The following MEI1 variants were observed in gnomAD, a reference collection of about 807,000 sequenced individuals.
MEI1 encodes meiotic double-stranded break formation protein 1.
A neutral mutation model predicts 146.2 loss-of-function variants in MEI1; 103 were observed. That is an observed-to-expected ratio of 0.70 (90% CI 0.60 to 0.83). MEI1 has a LOEUF of 0.83. MEI1 is among the 40% of genes least tolerant of loss of function. MEI1 has a pLI of 0.00. For synonymous variants in MEI1, 652 were observed against 628.2 expected, an observed-to-expected ratio of 1.04 and a Z score of -0.57; for missense variants, 1,529 against 1,533.0, an observed-to-expected ratio of 1.00 and a Z score of 0.04.
chr22:41,709,175 T>C (rs1358667735), intron 3 of MEI1: 1 of 761,292 alleles, frequency 1.3e-6, no homozygotes, highest in East Asian at 2.5e-5. Flanking sequence ...TATTTCAAAC[T>C]GTACAGTCAC....
intron 6 of MEI1, among the ~76,000 whole-genome samples, chr22:41,721,693 A>G (rs1337836744): frequency 6.7e-6 from 1 of 149,180 alleles, no homozygotes; most frequent in Admixed American, 6.7e-5. Context: ...ACACCCAGCC[A>G]GAATTCCCGT....
intron 21 of MEI1, 91 bp downstream of exon 21, chr22:41,776,358 GA>G: frequency 3.6e-6 from 5 of 1,396,250 alleles, no homozygotes; most frequent in Non-Finnish European, 4.9e-6. Context: ...CCAGGAGAGA[GA>G]ATCAGGGTTT....
chr22:41,750,707 ATTC>A (rs1387890810), intron 15 of MEI1, among the ~76,000 whole-genome samples: 2 of 152,128 alleles, frequency 1.3e-5, no homozygotes, highest in East Asian at 1.9e-4. Flanking sequence ...GTGAGTTGGA[ATTC>A]TTCTCACCTC....
intron 26 of MEI1, among the ~76,000 whole-genome samples, 172 bp downstream of exon 26, chr22:41,784,955 A>G (rs967075323): frequency 8.4e-6 from 1 of 119,406 alleles, no homozygotes; most frequent in South Asian, 2.3e-4. Flanking sequence ...ATTTATTTAG[A>G]GACAGAGTTT....
chr22:41,714,154 G>C, intron 4 of MEI1, 79 bp downstream of exon 4: 1 of 1,367,772 alleles, frequency 7.3e-7, no homozygotes, highest in Non-Finnish European at 1.0e-6. Flanking sequence ...GAACAAATGA[G>C]AGATTGAAGT....
intron 1 of MEI1, among the ~76,000 whole-genome samples, chr22:41,701,950 TGAA>T (rs1332676826): frequency 6.6e-6 from 1 of 152,112 alleles, no homozygotes; most frequent in African/African-American, 2.4e-5. Flanking sequence ...GACAGTTACT[TGAA>T]GAGTTTGAAA....
intron 11 of MEI1, 50 bp downstream of exon 11, chr22:41,732,653 G>C: frequency 6.4e-7 from 1 of 1,571,948 alleles, no homozygotes; most frequent in Non-Finnish European, 8.6e-7. Context: ...ATACCTAAGG[G>C]CCTGTTGAGG....
At chr22:41,774,487 TGTAAA>T (rs969219869) in intron 20 of MEI1, 18 of 152,186 alleles carry the variant, frequency 1.2e-4, no homozygotes, top group Admixed American at 1.0e-3. Flanking sequence ...CCTCATACTC[TGTAAA>T]GTAAAGGTAT....
At chr22:41,786,549 C>T (rs546817944) in intron 26 of MEI1, among the ~76,000 whole-genome samples, 4 of 152,282 alleles carry the variant, frequency 2.6e-5, no homozygotes, top group African/African-American at 9.6e-5. Flanking sequence ...AGCAGTAGCT[C>T]CTAGCTTATA....
At chr22:41,741,174 C>A (rs1361490209) in intron 11 of MEI1, among the ~76,000 whole-genome samples, 2 of 152,150 alleles carry the variant, frequency 1.3e-5, no homozygotes, top group Admixed American at 1.3e-4. Context: ...TCCTGGGCTG[C>A]ATGCGGCCTG....
rs186467613 is a variant in MEI1 at position 41,702,301 on chromosome 22, C to T, written c.175-1030C>T. Among the ~76,000 whole-genome samples, 521 of 151,902 alleles carry T rather than the reference C, an allele frequency of 3.4e-3. 5 individuals are homozygous for T. Among genetic ancestry groups the T allele is most frequent in the Non-Finnish European group, 5.4e-3 (369 of 67,990 alleles). Reference sequence around the variant, plus strand: ...GATTACAGGCGCCTGCCACCATGCACGGCTAATTTTTGTATTTTTAGTAGA... The same window carrying T: ...GATTACAGGCGCCTGCCACCATGCATGGCTAATTTTTGTATTTTTAGTAGA... On this transcript the variant is annotated intron_variant, in intron 1 of 30. Transcript: ENST00000401548.
intron 24 of MEI1, 98 bp from the exon 25 acceptor site, chr22:41,784,239 GAT>G: frequency 9.9e-7 from 1 of 1,011,658 alleles, no homozygotes; most frequent in Non-Finnish European, 1.5e-6. Context: ...TGATGCAGTG[GAT>G]ATGTGGGGGG....
At chr22:41,763,632 T>A (rs2074652917) in intron 19 of MEI1, among the ~76,000 whole-genome samples, 1 of 151,980 alleles carries the variant, frequency 6.6e-6, no homozygotes. Context: ...GGCGGATCAC[T>A]TGAGTTCGGG....
intron 8 of MEI1, 37 bp downstream of exon 8, chr22:41,729,816 A>G (rs975144462): frequency 1.1e-5 from 15 of 1,361,006 alleles, no homozygotes; most frequent in Non-Finnish European, 1.4e-5. Context: ...TCCCTATACT[A>G]GAAGGATGGG....
At chr22:41,781,512 G>A in intron 23 of MEI1, 118 bp downstream of exon 23, 1 of 1,140,110 alleles carries the variant, frequency 8.8e-7, no homozygotes, top group Middle Eastern at 2.9e-4. Context: ...TGGTCATAAG[G>A]TCCTTTCTGG....
intron 15 of MEI1, among the ~76,000 whole-genome samples, chr22:41,751,592 T>C (rs2147851394): frequency 6.7e-6 from 1 of 150,106 alleles, no homozygotes; most frequent in South Asian, 2.1e-4. Context: ...GACCAACATA[T>C]AGAAACCCTG....
chr22:41,791,264 A>C (rs1211180128), intron 26 of MEI1, among the ~76,000 whole-genome samples: 2 of 152,064 alleles, frequency 1.3e-5, no homozygotes, highest in African/African-American at 4.8e-5. Flanking sequence ...AGGTGGGTGG[A>C]TTGCTTGAGT....
chr22:41,788,775 G>A (rs570237816), intron 26 of MEI1, among the ~76,000 whole-genome samples: 2 of 152,162 alleles, frequency 1.3e-5, no homozygotes, highest in East Asian at 3.9e-4. Context: ...TTCACCATTC[G>A]CCTCTCATGC....
chr22:41,701,158 T>C (rs2068699011), intron 1 of MEI1, among the ~76,000 whole-genome samples: 3 of 151,958 alleles, frequency 2.0e-5, no homozygotes, highest in Non-Finnish European at 4.4e-5. Context: ...AGGTTGGTGT[T>C]GAACTCCCAA....
Sources: gnomAD v4.1 joint callset for allele counts (sites outside exome capture counted in the v4.1 genomes callset) on GRCh38, gnomAD v4.1.1 for gene constraint, MANE v1.5 for transcripts, NCBI Gene and HGNC (gene_info 2026-07-23, HGNC 2026-07-21) for gene names.